Variants in TSFM observed in about 807,000 individuals in gnomAD.
TSFM encodes Ts translation elongation factor, mitochondrial.
TSFM carries 29 observed loss-of-function variants against 33.4 expected under a neutral mutation model. The observed-to-expected ratio is 0.87, with a 90% confidence interval of 0.65 to 1.18. The LOEUF (loss-of-function observed/expected upper bound fraction) is 1.18. Ranked by LOEUF, TSFM falls within the 50% of genes most tolerant of loss-of-function variation. The probability of loss-of-function intolerance (pLI) is 0.00; values close to 1 mark genes in which losing one functional copy is unlikely to be tolerated. For missense variants in TSFM, 394 were observed against 395.6 expected, an observed-to-expected ratio of 1.00 and a Z score of 0.04; for synonymous variants, 178 against 163.5, an observed-to-expected ratio of 1.09 and a Z score of -0.68.
intron 2 of TSFM, chr12:57,784,279 G>C: frequency 1.6e-6 from 1 of 611,362 alleles, no homozygotes; most frequent in Admixed American, 2.6e-5. Flanking sequence ...TGCAGGACTG[G>C]AAGTTGCTCT....
chr12:57,790,060 C>CTTTTT (rs35382401), intron 4 of TSFM, among the ~76,000 whole-genome samples: 1,371 of 104,680 alleles, frequency 0.013, 1 homozygote, highest in Non-Finnish European at 0.018. Context: ...TTCTTTCTTT[C>CTTTTT]TTTTTTTTTT....
intron 3 of TSFM, among the ~76,000 whole-genome samples, chr12:57,786,527 A>G (rs1955593166): frequency 6.6e-6 from 1 of 152,238 alleles, no homozygotes; most frequent in Non-Finnish European, 1.5e-5. Flanking sequence ...CCTGAATGTG[A>G]GTCTGGCACA....
At chr12:57,783,584 T>A (rs564097955) in intron 2 of TSFM, 156 of 618,108 alleles carry the variant, frequency 2.5e-4, no homozygotes, top group African/African-American at 2.3e-3. Context: ...CCCCACACTG[T>A]CTGACTTTAG....
downstream of TSFM, chr12:57,797,909 T>C (rs1405369927): frequency 5.6e-6 from 9 of 1,612,404 alleles, no homozygotes; most frequent in East Asian, 4.5e-5. Flanking sequence ...CTTTCTTCAT[T>C]TGGAGCTGTT....
Position 57,796,719 on chromosome 12 carries a change from T to C in TSFM, c.*136T>C. On this transcript the variant is annotated 3_prime_UTR_variant, in exon 6 of 6. Coordinates refer to ENST00000652027, the MANE Select transcript of TSFM (RefSeq NM_005726.6). ...TTAAATAGTTGTATAATAAAAATAA[T>C]TTTTTCCTTGTTTGCGTAATACTGG... 2 of 1,242,294 alleles carry C rather than the reference T, an allele frequency of 1.6e-6. No individual in the cohort carries two copies. The highest frequency in any genetic ancestry group is 8.1e-5 in the South Asian group (2 of 24,762). The allele number at this position is 1,242,294 out of a possible 1,614,324, so 77.0% of individuals were successfully genotyped here.
intron 4 of TSFM, among the ~76,000 whole-genome samples, chr12:57,788,694 G>A (rs1955622608): frequency 1.3e-5 from 2 of 152,248 alleles, no homozygotes; most frequent in South Asian, 4.1e-4. Flanking sequence ...GAGTGCAGTG[G>A]CACAATCATT....
At chr12:57,790,478 G>A (rs1020433567) in intron 4 of TSFM, among the ~76,000 whole-genome samples, 1 of 152,100 alleles carries the variant, frequency 6.6e-6, no homozygotes, top group Non-Finnish European at 1.5e-5. Context: ...ACTTCAATAT[G>A]TTTACTGTTT....
At chr12:57,784,126 CA>C (rs1955556860) in intron 2 of TSFM, 9 of 702,438 alleles carry the variant, frequency 1.3e-5, no homozygotes, top group Admixed American at 2.0e-5. Context: ...CAAACCGTTA[CA>C]AAATGTTACT....
downstream of TSFM, chr12:57,802,189 A>G: frequency 1.2e-6 from 2 of 1,613,960 alleles, no homozygotes; most frequent in Non-Finnish European, 1.7e-6. Flanking sequence ...CAGGCTAGGA[A>G]CCAGCCTGTG....
intron 4 of TSFM, chr12:57,791,983 G>A: frequency 2.8e-6 from 1 of 359,810 alleles, no homozygotes; most frequent in Non-Finnish European, 5.7e-6. Flanking sequence ...GCTCACGCCT[G>A]TAAACCTAGC....
intron 4 of TSFM, among the ~76,000 whole-genome samples, chr12:57,790,438 G>A (rs1473965047): frequency 1.3e-5 from 2 of 152,170 alleles, no homozygotes; most frequent in South Asian, 2.1e-4. Context: ...TGCTGTGTGC[G>A]TGTGGTTCAA....
At chr12:57,802,748 TGA>T, downstream of TSFM, 1 of 589,048 alleles carries the variant, frequency 1.7e-6, no homozygotes, top group Middle Eastern at 2.6e-4. Flanking sequence ...GGCAGAAGCC[TGA>T]GAGTTTCCTA....
At chr12:57,782,899 A>T (rs1451492957) in intron 1 of TSFM, 41 bp downstream of exon 1, 1 of 1,562,062 alleles carries the variant, frequency 6.4e-7, no homozygotes, top group Non-Finnish European at 8.7e-7. Context: ...CTGTCCCTGC[A>T]GCTCTCCTGT....
chr12:57,795,391 C>T (rs1231933595), intron 5 of TSFM, among the ~76,000 whole-genome samples: 4 of 152,024 alleles, frequency 2.6e-5, no homozygotes, highest in African/African-American at 4.8e-5. Context: ...TGAGCCACCA[C>T]GGCTGGCTGC....
At chr12:57,784,694 C>T (rs962634893) in intron 2 of TSFM, among the ~76,000 whole-genome samples, 1 of 151,638 alleles carries the variant, frequency 6.6e-6, no homozygotes, top group African/African-American at 2.4e-5. Context: ...GCCTGACCCA[C>T]ACGGAGAAAC....
At chr12:57,801,157 A>G (rs769090713), downstream of TSFM, 4 of 1,613,720 alleles carry the variant, frequency 2.5e-6, no homozygotes, top group South Asian at 3.3e-5. Flanking sequence ...AGTGATTCGC[A>G]TGATAGCAGC....
rs1955589476 is a variant in TSFM at position 57,786,233 on chromosome 12, A to C, written c.302A>C (p.Lys101Thr). The change falls in exon 3 of 6, where the codon AAG becomes ACG. Residue 101 changes from lysine (K) to threonine (T), a missense_variant. Transcript: ENST00000652027. Reference sequence around the variant, plus strand: ...AAAGCTGCCAAGCTCCAAGGGAGGAAGACCAAAGAAGGCCTGATTGGGCTG... The same window carrying C: ...AAAGCTGCCAAGCTCCAAGGGAGGACGACCAAAGAAGGCCTGATTGGGCTG... ...WSKAAKLQGR[K>T]TKEGLIGLLQ... The C allele has an allele frequency of 6.2e-7, 1 of 1,611,876 alleles. No individual in the cohort carries two copies. The highest frequency in any genetic ancestry group is 1.3e-5 in the African/African-American group (1 of 74,912).
chr12:57,784,143 G>A (rs1398570433), intron 2 of TSFM: 1 of 702,376 alleles, frequency 1.4e-6, no homozygotes, highest in Non-Finnish European at 2.6e-6. Context: ...TTACTGGACT[G>A]AATACTGTAG....
At chr12:57,784,055 C>A (rs1419457180) in intron 2 of TSFM, 1 of 702,792 alleles carries the variant, frequency 1.4e-6, no homozygotes, top group South Asian at 1.5e-5. Flanking sequence ...CCTACACAAA[C>A]CTAGATGGTA....
Sources: allele counts gnomAD v4.1 joint callset (sites outside exome capture counted in the v4.1 genomes callset), GRCh38; gene constraint gnomAD v4.1.1; transcripts MANE v1.5; gene names NCBI Gene and HGNC (gene_info 2026-07-23, HGNC 2026-07-21).